SCEL: variants seen among roughly 807,000 people sequenced by gnomAD.
The protein encoded by SCEL is sciellin.
SCEL carries 113 observed loss-of-function variants against 117.6 expected under a neutral mutation model. The ratio of observed to expected loss-of-function variants is 0.96; its 90% confidence interval spans 0.83 to 1.12. SCEL has a LOEUF of 1.12. Ranked by LOEUF, SCEL falls within the 50% of genes most tolerant of loss-of-function variation. The pLI is 0.00. For missense variants in SCEL, 785 were observed against 810.8 expected (o/e 0.97, Z 0.39); for synonymous variants, 270 against 256.2 (o/e 1.05, Z -0.51).
At chr13:77,615,857 A>G (rs886862280) in intron 24 of SCEL, among the ~76,000 whole-genome samples, 9 of 152,074 alleles carry the variant, frequency 5.9e-5, no homozygotes, top group Middle Eastern at 3.2e-3. Flanking sequence ...ATGTTTCTCA[A>G]ATGTGGGTTG....
At chr13:77,609,207 C>A in intron 21 of SCEL, 90 bp downstream of exon 21, 2 of 1,020,540 alleles carry the variant, frequency 2.0e-6, no homozygotes, top group Non-Finnish European at 2.8e-6. Flanking sequence ...TGATGCTGAA[C>A]CCAATGATCC....
intron 11 of SCEL, among the ~76,000 whole-genome samples, chr13:77,593,259 A>T (rs868413688): frequency 2.7e-4 from 30 of 111,100 alleles, no homozygotes; most frequent in South Asian, 3.0e-4. Flanking sequence ...AACAGAGGGG[A>T]GTGTGTGTGT....
chr13:77,640,925 A>G, intron 31 of SCEL, 141 bp downstream of exon 31: 1 of 483,848 alleles, frequency 2.1e-6, no homozygotes, highest in Non-Finnish European at 3.6e-6. Flanking sequence ...CTACTTAAAT[A>G]TTTCTGAGTT....
At chr13:77,592,583 G>T in intron 11 of SCEL, among the ~76,000 whole-genome samples, 2 of 132,030 alleles carry the variant, frequency 1.5e-5, no homozygotes, top group Admixed American at 8.2e-5. Context: ...TTTTTTGACA[G>T]GATCTTGCTC....
At chr13:77,582,033 G>A (rs1369311948) in intron 9 of SCEL, among the ~76,000 whole-genome samples, 1 of 152,046 alleles carries the variant, frequency 6.6e-6, no homozygotes, top group African/African-American at 2.4e-5. Context: ...GGGAGTGGGG[G>A]ATGGGGGTGA....
Position 77,644,244 on chromosome 13 carries a change from CT to C in SCEL, c.2051-10del, listed in dbSNP as rs1465288809. 1.2e-5 allele frequency: 20 copies of C among 1,612,658 alleles called. No homozygotes were observed. The highest frequency in any genetic ancestry group is 1.7e-5 in the Non-Finnish European group (20 of 1,179,162). ...TGTACTGAATTTGCACGTCTTTTTT[CT>C]TTTAATTTGCAGCAAAGTGGATTCC... On this transcript the variant is annotated splice_polypyrimidine_tract_variant and intron_variant, in intron 32 of 32. Transcript: ENST00000349847.
intron 32 of SCEL, among the ~76,000 whole-genome samples, chr13:77,643,954 T>C (rs2090680516): frequency 6.6e-6 from 1 of 152,150 alleles, no homozygotes; most frequent in Non-Finnish European, 1.5e-5. Context: ...GTGGGTGTGA[T>C]TACCAAAAGA....
In SCEL at chr13:77,613,974, T is replaced by A. The variant is rs568015945; in HGVS notation, c.1451+19T>A. ...CTGATGGGTAAGAGATGGATGTGATTTTTGTTGTGTTTCTCGTTAAGTAAA... is the reference window on the plus strand; with the variant it reads ...CTGATGGGTAAGAGATGGATGTGATATTTGTTGTGTTTCTCGTTAAGTAAA... On this transcript the variant is annotated intron_variant, in intron 24 of 32. Transcript: ENST00000349847. The A allele has an allele frequency of 9.4e-6, 15 of 1,602,394 alleles. 1 individual carries two copies. The South Asian group carries it at 1.7e-4, about 18-fold the overall frequency.
intron 27 of SCEL, among the ~76,000 whole-genome samples, chr13:77,627,368 A>G (rs1442338090): frequency 1.3e-5 from 2 of 152,192 alleles, no homozygotes; most frequent in Non-Finnish European, 2.9e-5. Context: ...TACTCATTAA[A>G]TGTTAGCTGA....
At chr13:77,616,014 G>GTT (rs2089005478) in intron 24 of SCEL, among the ~76,000 whole-genome samples, 1 of 143,018 alleles carries the variant, frequency 7.0e-6, no homozygotes, top group South Asian at 2.1e-4. Context: ...CTGTGTGTGT[G>GTT]TGTGTGTGTG....
Position 77,555,932 on chromosome 13 carries a change from T to A in SCEL, c.43+14T>A, listed in dbSNP as rs2084629759. On this transcript the variant is annotated intron_variant, in intron 2 of 32. Coordinates refer to ENST00000349847, the MANE Select transcript of SCEL (RefSeq NM_144777.3). ...CCACAGGAAATGGTAATGTACATGA[T>A]GTTTCTCTCACTCAGAAAACTTTAA... The A allele has an allele frequency of 6.2e-7, 1 of 1,610,154 alleles. No homozygotes were observed. The highest frequency in any genetic ancestry group is 8.5e-7 in the Non-Finnish European group (1 of 1,176,888).
At chr13:77,628,060 G>C (rs1259226870) in intron 28 of SCEL, 51 bp downstream of exon 28, 1 of 634,350 alleles carries the variant, frequency 1.6e-6, no homozygotes, top group Non-Finnish European at 2.5e-6. Context: ...ATATGCATCT[G>C]CATATATTGT....
In SCEL at chr13:77,634,751, C is replaced by G. The variant is rs769624579; in HGVS notation, c.1763+301C>G. 3.4e-4 allele frequency among the ~76,000 whole-genome samples: 51 copies of G among 152,218 alleles called. 1 individual carries two copies. The highest frequency in any genetic ancestry group is 6.5e-4 in the Admixed American group (10 of 15,284). On this transcript the variant is annotated intron_variant, in intron 29 of 32. Coordinates refer to ENST00000349847, the MANE Select transcript of SCEL (RefSeq NM_144777.3). ...TATATAACTATATGGTTAAAATAAG[C>G]TTTATAAAATGCACAACTATTCCTA...
At chr13:77,622,777 G>T (rs1393999710) in intron 27 of SCEL, among the ~76,000 whole-genome samples, 2 of 152,146 alleles carry the variant, frequency 1.3e-5, no homozygotes, top group African/African-American at 2.4e-5. Context: ...CGGGAAGATT[G>T]CTTGAGTCCA....
At chr13:77,632,781 G>C (rs1342339660) in intron 28 of SCEL, among the ~76,000 whole-genome samples, 5 of 152,172 alleles carry the variant, frequency 3.3e-5, no homozygotes. Flanking sequence ...CCAACATTTT[G>C]TTAAGCATCA....
intron 29 of SCEL, among the ~76,000 whole-genome samples, chr13:77,636,500 A>C (rs2090284929): frequency 6.6e-6 from 1 of 152,194 alleles, no homozygotes; most frequent in Non-Finnish European, 1.5e-5. Flanking sequence ...CAGATAGCAT[A>C]AGTACTTGGA....
chr13:77,627,384 A>C (rs1325134934), intron 27 of SCEL, among the ~76,000 whole-genome samples: 1 of 152,218 alleles, frequency 6.6e-6, no homozygotes, highest in East Asian at 1.9e-4. Flanking sequence ...GCTGAAAAGA[A>C]GTCGATTAAT....
At chr13:77,597,647 C>A in intron 13 of SCEL, 58 bp downstream of exon 13, 1 of 961,926 alleles carries the variant, frequency 1.0e-6, no homozygotes. Flanking sequence ...ACTTTTTATG[C>A]CTTTCCAGTC....
chr13:77,602,304 G>A (rs781581136), intron 16 of SCEL, 180 bp downstream of exon 16: 2 of 520,022 alleles, frequency 3.8e-6, no homozygotes, highest in Non-Finnish European at 6.8e-6. Context: ...TCTGATTTGA[G>A]TTACATTGAA....
Sources: allele counts gnomAD v4.1 joint callset (sites outside exome capture counted in the v4.1 genomes callset), GRCh38; gene constraint gnomAD v4.1.1; transcripts MANE v1.5; gene names NCBI Gene and HGNC (gene_info 2026-07-23, HGNC 2026-07-21).